The following REPS2 variants were observed in gnomAD, a reference collection of about 807,000 sequenced individuals.
REPS2 encodes RALBP1 associated Eps domain containing 2.
REPS2 carries 23 observed loss-of-function variants against 53.6 expected under a neutral mutation model. The observed-to-expected ratio is 0.43, with a 90% CI of 0.31 to 0.61. The LOEUF is 0.61. Among genes scored for constraint, REPS2 ranks in the 20% least tolerant of loss-of-function variants. REPS2 has a pLI of 0.11. For synonymous variants in REPS2, 238 were observed against 218.6 expected, an observed-to-expected ratio of 1.09 and a Z score of -0.78; for missense variants, 446 against 534.9, an observed-to-expected ratio of 0.83 and a Z score of 1.64.
At position 17,148,748 on chromosome X, in the gene REPS2, G is replaced by A; in HGVS notation, c.*1267G>A. 5.0e-6 allele frequency: 1 copy of A among 201,665 alleles called. No homozygotes were observed. Among genetic ancestry groups the A allele is most frequent in the South Asian group, 6.5e-5 (1 of 15,478 alleles). The allele number at this position is 201,665 out of a possible 1,213,427, so 16.6% of individuals were successfully genotyped here. A position where few individuals can be genotyped will look rare whatever the true frequency, so the allele number is the denominator to read the frequency against. ...GAAAATGGGACCACAGGGGCACAGG[G>A]CTACTGACCCTCACAGGGCATGCCA... On this transcript the variant is annotated 3_prime_UTR_variant, in exon 18 of 18. Transcript: ENST00000357277.
At position 17,135,298 on chromosome X, in the gene REPS2, G is replaced by A. The variant is rs1433808251; in HGVS notation, c.1700G>A (p.Arg567His). Residue 567 changes from arginine to histidine, a missense_variant, in exon 16 of 18, where the codon CGT becomes CAT. By Grantham distance (29) the Arg-to-His change is conservative. Transcript: ENST00000357277. The part of the protein sequence containing the change: ...LYSQPPSKPI[R>H]RKFRPENQAT... ...TCTCAGCCACCATCAAAGCCCATTC[G>A]TAGGAAATTCAGACCAGAAAACCAA... is the stretch of plus-strand genomic sequence containing the variant. The A allele has an allele frequency of 5.8e-6, 7 of 1,211,228 alleles. No individual in the cohort carries two copies. The highest frequency in any genetic ancestry group is 1.8e-5 in the South Asian group (1 of 56,927).
chrX:16,954,547 G>A (rs1026336612), intron 1 of REPS2, among the ~76,000 whole-genome samples: 3 of 111,441 alleles, frequency 2.7e-5, no homozygotes, highest in Non-Finnish European at 5.6e-5. Context: ...GTGGCCTATG[G>A]TCAAATGGCA....
chrX:17,132,962 TA>T (rs974705661), intron 14 of REPS2, among the ~76,000 whole-genome samples: 9 of 112,319 alleles, frequency 8.0e-5, no homozygotes, highest in African/African-American at 1.3e-4. Flanking sequence ...TAAAACTTAA[TA>T]AAAAAATAAT....
intron 5 of REPS2, among the ~76,000 whole-genome samples, chrX:17,035,631 C>T (rs957888001): frequency 9.0e-6 from 1 of 110,834 alleles, no homozygotes; most frequent in Admixed American, 9.6e-5. Flanking sequence ...ACTTGTTCTT[C>T]AGAGCAAATA....
the REPS2 span, among the ~76,000 whole-genome samples, chrX:17,167,805 A>G: frequency 1.8e-5 from 2 of 109,544 alleles, no homozygotes; most frequent in Admixed American, 9.9e-5. Context: ...ATAGGATTTT[A>G]AAAACTTCTA....
chrX:17,018,340 C>T (rs1238260122), intron 2 of REPS2, among the ~76,000 whole-genome samples: 1 of 109,360 alleles, frequency 9.1e-6, no homozygotes, highest in Non-Finnish European at 1.9e-5. Flanking sequence ...GCGCATGCAC[C>T]ACTACACCCA....
chrX:16,979,780 T>C (rs1369668455), intron 1 of REPS2, among the ~76,000 whole-genome samples: 1 of 110,499 alleles, frequency 9.0e-6, no homozygotes, highest in Non-Finnish European at 1.9e-5. Context: ...GAAAGGTTTA[T>C]CCCTTAGGTT....
chrX:16,970,784 G>C (rs1177558074), intron 1 of REPS2, among the ~76,000 whole-genome samples: 1 of 112,377 alleles, frequency 8.9e-6, no homozygotes, highest in Non-Finnish European at 1.9e-5. Context: ...GTGGTCATTT[G>C]TGATTGTCTT....
intron 16 of REPS2, chrX:17,136,856 C>T (rs1339527930): frequency 1.8e-5 from 2 of 112,188 alleles, no homozygotes; most frequent in Admixed American, 9.4e-5. Context: ...CATGGCTTTG[C>T]ATATTCTTGT....
chrX:17,113,307 G>A (rs891684611), intron 14 of REPS2, among the ~76,000 whole-genome samples: 1 of 107,515 alleles, frequency 9.3e-6, no homozygotes, highest in African/African-American at 3.4e-5. Flanking sequence ...TTAAGCATGT[G>A]TTAACCTCTG....
Position 16,946,693 on chromosome X carries a change from G to T in REPS2, c.-169G>T, listed in dbSNP as rs1443123759. 4.9e-5 allele frequency: 23 copies of T among 473,264 alleles called. No individual in the cohort carries two copies. Among genetic ancestry groups the T allele is most frequent in the Non-Finnish European group, 5.7e-5 (22 of 386,957 alleles). 39.0% of individuals were successfully genotyped at this position (473,264 alleles called of 1,213,427 possible). On this transcript the variant is annotated 5_prime_UTR_variant, in exon 1 of 18. Coordinates refer to ENST00000357277, the MANE Select transcript of REPS2 (RefSeq NM_004726.3). Reference sequence around the variant, plus strand: ...CCCGGGGGTGGGGCCGGCGCGCGCCGGGAGGAAGCGGCCGCGCGGCAGCTG... The same window carrying T: ...CCCGGGGGTGGGGCCGGCGCGCGCCTGGAGGAAGCGGCCGCGCGGCAGCTG...
At chrX:17,068,506 G>A (rs750922644) in intron 10 of REPS2, 35 bp downstream of exon 10, 38 of 1,065,871 alleles carry the variant, frequency 3.6e-5, no homozygotes, top group Non-Finnish European at 4.4e-5. Context: ...TTTAACCAGC[G>A]TTCTACCTGT....
intron 2 of REPS2, among the ~76,000 whole-genome samples, chrX:17,018,347 C>G (rs1424993911): frequency 9.1e-6 from 1 of 109,322 alleles, no homozygotes; most frequent in Admixed American, 9.8e-5. Context: ...CACCACTACA[C>G]CCAGCTAATT....
At chrX:17,186,689 A>T in the REPS2 span, among the ~76,000 whole-genome samples, 1 of 112,208 alleles carries the variant, frequency 8.9e-6, no homozygotes, top group African/African-American at 3.2e-5. Flanking sequence ...TCCGTTTCAC[A>T]TATGGAAACA....
the REPS2 span, among the ~76,000 whole-genome samples, chrX:17,159,907 T>C: frequency 5.3e-5 from 6 of 112,316 alleles, no homozygotes; most frequent in Admixed American, 1.9e-4. Context: ...ATCCTTCTTT[T>C]TGTGAAATCC....
At chrX:17,124,856 CTTTT>C (rs1175675334) in intron 14 of REPS2, among the ~76,000 whole-genome samples, 2 of 91,029 alleles carry the variant, frequency 2.2e-5, no homozygotes, top group Non-Finnish European at 2.2e-5. Flanking sequence ...AGATGGACTT[CTTTT>C]TTTTTTTTTT....
At chrX:17,043,571 C>T (rs779936103) in intron 5 of REPS2, among the ~76,000 whole-genome samples, 9 of 109,393 alleles carry the variant, frequency 8.2e-5, no homozygotes, top group African/African-American at 2.6e-4. Context: ...TTGGTTCTGG[C>T]GCCCTCATAA....
chrX:17,039,415 G>A, intron 5 of REPS2, among the ~76,000 whole-genome samples: 1 of 112,055 alleles, frequency 8.9e-6, no homozygotes, highest in Non-Finnish European at 1.9e-5. Context: ...GGATTCTTTT[G>A]TGATGACGTG....
At chrX:17,058,452 CAAA>C (rs66501468) in intron 8 of REPS2, among the ~76,000 whole-genome samples, 3 of 70,988 alleles carry the variant, frequency 4.2e-5, no homozygotes, top group Non-Finnish European at 5.3e-5. Context: ...GACTCCTTCT[CAAA>C]AAAAAAAAAA....
Sources: allele counts gnomAD v4.1 joint callset (sites outside exome capture counted in the v4.1 genomes callset), GRCh38; gene constraint gnomAD v4.1.1; transcripts MANE v1.5; gene names NCBI Gene and HGNC (gene_info 2026-07-23, HGNC 2026-07-21).